Variants in CFAP54 observed in about 807,000 individuals in gnomAD.
The protein encoded by CFAP54 is cilia and flagella associated protein 54.
Under a neutral mutation model 370.4 loss-of-function variants are expected in CFAP54, and 290 were observed. The observed-to-expected ratio is 0.78, with a 90% CI of 0.71 to 0.86. CFAP54 has a LOEUF of 0.86. Ranked by LOEUF, CFAP54 falls within the 40% of genes least tolerant of loss-of-function variation. CFAP54 has a pLI of 0.00. For synonymous variants in CFAP54, 1,206 were observed against 1,236.5 expected (o/e 0.98, Z 0.52); for missense variants, 3,399 against 3,528.7 (o/e 0.96, Z 0.93).
In CFAP54 at chr12:96,658,322, G is replaced by A; in HGVS notation, c.5436G>A (p.Arg1812=). The change falls in exon 38 of 68, where the codon AGG becomes AGA. Residue 1812 remains arginine (R), a synonymous_variant. Coordinates refer to ENST00000524981, the MANE Select transcript of CFAP54 (RefSeq NM_001306084.2). ...ATATTACCCAACAACCTTGTGCAAG[G>A]TATGAGGCTGAATATGGAGAGAAGG... The part of the protein sequence containing the change: ...GPDITQQPCA[R]YEAEYGEKIT... 1 of 1,614,116 alleles carries A rather than the reference G, an allele frequency of 6.2e-7. No homozygotes were observed. The highest frequency in any genetic ancestry group is 8.5e-7 in the Non-Finnish European group (1 of 1,180,006).
chr12:96,754,311 A>G (rs371983061), intron 56 of CFAP54, among the ~76,000 whole-genome samples: 5 of 152,330 alleles, frequency 3.3e-5, no homozygotes, highest in African/African-American at 1.2e-4. Context: ...TTGAAATTAA[A>G]TAGATATAGC....
chr12:96,829,060 A>G lies in CFAP54; in HGVS notation c.9143A>G (p.Asn3048Ser), dbSNP rs1468022783. 3 of 1,521,006 alleles carry G rather than the reference A, an allele frequency of 2.0e-6. No individual in the cohort carries two copies. The highest frequency in any genetic ancestry group is 2.6e-6 in the Non-Finnish European group (3 of 1,134,678). 94.2% of individuals were successfully genotyped at this position (1,521,006 alleles called of 1,614,324 possible). Reference protein sequence around the residue: ...CCSEIASLFLNDKEPTPLSEV... With the variant: ...CCSEIASLFLSDKEPTPLSEV... ...TCTGAAATAGCATCTCTGTTTTTGA[A>G]TGATAAAGAGCCAACACCACTATCT... Residue 3048 changes from asparagine to serine, a missense_variant, in exon 66 of 68, where the codon AAT becomes AGT. By Grantham distance (46) the Asn-to-Ser change is conservative (BLOSUM62 1). Coordinates refer to ENST00000524981, the MANE Select transcript of CFAP54 (RefSeq NM_001306084.2).
intron 42 of CFAP54, among the ~76,000 whole-genome samples, chr12:96,686,277 T>G (rs1332745757): frequency 1.3e-5 from 2 of 152,226 alleles, no homozygotes; most frequent in Admixed American, 6.5e-5. Context: ...CCAGTCATAT[T>G]GGATTAGGGC....
At chr12:96,825,054 C>A (rs1959071145) in intron 65 of CFAP54, among the ~76,000 whole-genome samples, 1 of 150,854 alleles carries the variant, frequency 6.6e-6, no homozygotes, top group Non-Finnish European at 1.5e-5. Context: ...CTACGCGCCC[C>A]ACAATGCCCT....
chr12:96,783,129 A>T (rs1032898848), intron 60 of CFAP54, among the ~76,000 whole-genome samples: 3 of 152,308 alleles, frequency 2.0e-5, no homozygotes, highest in Admixed American at 2.0e-4. Flanking sequence ...TAAAGTTAAC[A>T]ATGTTTTATT....
intron 13 of CFAP54, 116 bp downstream of exon 13, chr12:96,538,634 GCATATATA>G (rs1955535512): frequency 2.1e-6 from 2 of 967,002 alleles, no homozygotes. Flanking sequence ...ACTTTCATTT[GCATATATA>G]CATATATAAA....
chr12:96,811,790 C>A lies in CFAP54; in HGVS notation c.8905C>A (p.His2969Asn). The change falls in exon 64 of 68, where the codon CAT (histidine) becomes AAT (asparagine). Residue 2969 changes from histidine to asparagine, a missense_variant. His to Asn is a moderately conservative substitution (Grantham distance 68). This residue lies in a region of CFAP54 where 2,796 missense variants were observed against 2,869.7 expected (regional missense o/e 0.97). Transcript: ENST00000524981. ...LKPLKISDVR[H>N]STYNSTCVGS... is the part of the protein sequence containing the mutation. The stretch of plus-strand genomic sequence containing the variant: ...GCCTCTGAAGATTTCAGATGTTAGA[C>A]ATTCCACTTATAACAGTACATGTGT... The A allele has an allele frequency of 6.6e-7, 1 of 1,526,092 alleles. No homozygotes were observed. Among genetic ancestry groups the A allele is most frequent in the Non-Finnish European group, 8.7e-7 (1 of 1,142,938 alleles). The allele number at this position is 1,526,092 out of a possible 1,614,324, so 94.5% of individuals were successfully genotyped here.
intron 63 of CFAP54, among the ~76,000 whole-genome samples, chr12:96,798,966 C>T (rs191569467): frequency 6.6e-6 from 1 of 152,168 alleles, no homozygotes; most frequent in African/African-American, 2.4e-5. Context: ...CTTAGTTTGC[C>T]TCTAAATGCA....
intron 4 of CFAP54, among the ~76,000 whole-genome samples, chr12:96,511,349 C>T (rs897030684): frequency 1.3e-5 from 2 of 152,118 alleles, no homozygotes; most frequent in Non-Finnish European, 2.9e-5. Context: ...GATGGAGACT[C>T]GCTCTGTCAC....
At chr12:96,693,868 A>G (rs1957413858) in intron 45 of CFAP54, 60 bp downstream of exon 45, 1 of 1,087,184 alleles carries the variant, frequency 9.2e-7, no homozygotes, top group African/African-American at 1.6e-5. Flanking sequence ...ATTGTCATGT[A>G]TTAATTTGAT....
chr12:96,621,840 T>C (rs1034099811), intron 27 of CFAP54, 119 bp downstream of exon 27: 25 of 390,866 alleles, frequency 6.4e-5, no homozygotes, highest in African/African-American at 5.1e-4. Flanking sequence ...TATTTACATA[T>C]AAGTAAAGTA....
At chr12:96,554,360 A>G (rs1955729988) in intron 16 of CFAP54, 50 bp downstream of exon 16, 4 of 1,455,986 alleles carry the variant, frequency 2.7e-6, no homozygotes, top group Middle Eastern at 3.5e-4. Context: ...TTAACTGGGA[A>G]GAAAACTGGC....
At chr12:96,682,430 C>A in intron 40 of CFAP54, 1 of 413,878 alleles carries the variant, frequency 2.4e-6, no homozygotes. Flanking sequence ...TGCAGTGGTG[C>A]CATCACAGCT....
At chr12:96,741,999 A>T (rs1958056643) in intron 51 of CFAP54, among the ~76,000 whole-genome samples, 1 of 152,182 alleles carries the variant, frequency 6.6e-6, no homozygotes, top group African/African-American at 2.4e-5. Context: ...TGTTAGGAGG[A>T]TTAAATGAGA....
At chr12:96,692,512 A>G (rs1208883828) in intron 44 of CFAP54, among the ~76,000 whole-genome samples, 1 of 152,224 alleles carries the variant, frequency 6.6e-6, no homozygotes, top group Non-Finnish European at 1.5e-5. Flanking sequence ...AAGAAACTAA[A>G]TCTCAAAGGT....
At chr12:96,715,147 G>C (rs1362490810) in intron 48 of CFAP54, among the ~76,000 whole-genome samples, 2 of 152,186 alleles carry the variant, frequency 1.3e-5, no homozygotes, top group African/African-American at 4.8e-5. Flanking sequence ...GATTTAAGGA[G>C]AGAAGAGAAG....
At position 96,524,039 on chromosome 12, in the gene CFAP54, GT is replaced by G. The variant is rs1354740671; in HGVS notation, c.1158+1854del. Among the ~76,000 whole-genome samples the G allele has an allele frequency of 5.3e-5, 8 of 151,654 alleles. No individual in the cohort carries two copies. The East Asian group carries it at 1.5e-3, about 29-fold the overall frequency. On this transcript the variant is annotated intron_variant, in intron 8 of 67. Transcript: ENST00000524981. ...CTTGGCATATTTTGCAGAATGTCCT[GT>G]TTTCTGTGTATGAAATAATTTTATT...
intron 46 of CFAP54, among the ~76,000 whole-genome samples, chr12:96,703,167 G>T (rs1407095117): frequency 6.6e-6 from 1 of 152,172 alleles, no homozygotes; most frequent in African/African-American, 2.4e-5. Flanking sequence ...CAGATCCTGA[G>T]ACTAGGATTT....
At chr12:96,820,388 A>G (rs1052947234) in intron 65 of CFAP54, among the ~76,000 whole-genome samples, 1 of 152,176 alleles carries the variant, frequency 6.6e-6, no homozygotes, top group Non-Finnish European at 1.5e-5. Context: ...CCTGATATTT[A>G]GAAGGTACTT....
Sources: allele counts gnomAD v4.1 joint callset (sites outside exome capture counted in the v4.1 genomes callset), GRCh38; gene constraint gnomAD v4.1.1; regional missense constraint gnomAD v4.1.1; transcripts MANE v1.5; gene names NCBI Gene and HGNC (gene_info 2026-07-23, HGNC 2026-07-21).